Variants in CENPA observed in about 807,000 individuals in gnomAD.
CENPA encodes centromere protein A.
A neutral mutation model predicts 17.2 loss-of-function variants in CENPA; 7 were observed. The ratio of observed to expected loss-of-function variants is 0.41; its 90% CI spans 0.23 to 0.76. CENPA has a LOEUF of 0.76. Among genes scored for constraint, CENPA ranks in the 30% least tolerant of loss-of-function variants. The pLI, the probability that CENPA is intolerant of heterozygous loss-of-function variation, is 0.34. For missense variants in CENPA, 149 were observed against 193.1 expected (o/e 0.77, Z 1.35); for synonymous variants, 82 against 77.4 (o/e 1.06, Z -0.31).
chr2:26,787,371 A>G (rs1321807704), intron 1 of CENPA, among the ~76,000 whole-genome samples: 1 of 150,986 alleles, frequency 6.6e-6, no homozygotes, highest in African/African-American at 2.4e-5. Context: ...GCCTACCACC[A>G]CGCCCGGCTA....
Position 26,792,195 on chromosome 2 carries a change from G to C in CENPA, c.165G>C (p.Gln55His). 6.2e-7 allele frequency: 1 copy of C among 1,614,008 alleles called. No individual in the cohort carries two copies. Among genetic ancestry groups the C allele is most frequent in the African/African-American group, 1.3e-5 (1 of 75,042 alleles). ...GGCTAAAGGAGATCCGAAAGCTTCA[G>C]AAGAGCACACACCTCTTGATAAGGA... Reference protein sequence around the residue: ...QGWLKEIRKLQKSTHLLIRKL... With the variant: ...QGWLKEIRKLHKSTHLLIRKL... Residue 55 changes from glutamine (Q) to histidine (H), a missense_variant, in exon 2 of 5, where the codon CAG becomes CAC. Gln to His is a conservative substitution (Grantham distance 24). Transcript: ENST00000335756.
chr2:26,791,927 C>T (rs987552696), intron 1 of CENPA, among the ~76,000 whole-genome samples: 1 of 152,202 alleles, frequency 6.6e-6, no homozygotes, highest in Non-Finnish European at 1.5e-5. Flanking sequence ...AGCAAAATTA[C>T]TATATATCAG....
intron 3 of CENPA, 58 bp from the exon 4 acceptor site, chr2:26,793,087 A>G: frequency 5.0e-6 from 8 of 1,601,602 alleles, no homozygotes; most frequent in South Asian, 1.1e-5. Context: ...CAGGTTTCCA[A>G]AAAAAAGCAG....
rs766099920 is a variant in CENPA, at chr2:26,792,723, C to T, written c.211-33C>T. On this transcript the variant is annotated intron_variant, in intron 2 of 4. Transcript: ENST00000335756. Reference sequence around the variant, plus strand: ...TGAATCTCTCTTCTGTTACTCCCTACTCCTACTCCTCCCCTTCCCCACTCC... The same window carrying T: ...TGAATCTCTCTTCTGTTACTCCCTATTCCTACTCCTCCCCTTCCCCACTCC... The T allele has an allele frequency of 7.1e-6, 11 of 1,555,904 alleles. No homozygotes were observed. The South Asian group carries it at 1.1e-4, about 16-fold the overall frequency.
At chr2:26,792,497 C>G (rs1483407261) in intron 2 of CENPA, 1 of 712,384 alleles carries the variant, frequency 1.4e-6, no homozygotes, top group South Asian at 1.5e-5. Flanking sequence ...GTTTGTCCAC[C>G]TTAGATCCCT....
In CENPA at chr2:26,792,062, G is replaced by T. The variant is rs887731908; in HGVS notation, c.101-69G>T. ...ATAGATATAGTCTAGCAATTTGACA[G>T]CTTACCTGACTCAGCCAAGCTGCGA... On this transcript the variant is annotated intron_variant, in intron 1 of 4. Coordinates refer to ENST00000335756, the MANE Select transcript of CENPA (RefSeq NM_001809.4). 3.8e-6 allele frequency: 5 copies of T among 1,315,302 alleles called. No homozygotes were observed. In the African/African-American group the frequency reaches 7.2e-5, roughly 19 times the overall value. 81.5% of individuals were successfully genotyped at this position (1,315,302 alleles called of 1,614,324 possible).
At chr2:26,793,119 C>A (rs1306907477) in intron 3 of CENPA, 26 bp from the exon 4 acceptor site, 5 of 1,613,140 alleles carry the variant, frequency 3.1e-6, no homozygotes, top group Non-Finnish European at 4.2e-6. Context: ...TCATCTGTGT[C>A]CGTCTTTTTC....
At position 26,792,141 on chromosome 2, in the gene CENPA, C is replaced by G. The variant is rs2148067913; in HGVS notation, c.111C>G (p.Ser37=). ...CTTTCTTTTGCTCAGGCGCTTCCTC[C>G]CATCAACACAGTCGGCGGAGACAAG... ...SRRGPSLGAS[S]HQHSRRRQGW... Residue 37 remains serine (S), a synonymous_variant, in exon 2 of 5, where the codon TCC becomes TCG. Coordinates refer to ENST00000335756, the MANE Select transcript of CENPA (RefSeq NM_001809.4). The G allele has an allele frequency of 6.2e-7, 1 of 1,613,852 alleles. No homozygotes were observed. The highest frequency in any genetic ancestry group is 8.5e-7 in the Non-Finnish European group (1 of 1,179,924).
intron 1 of CENPA, among the ~76,000 whole-genome samples, chr2:26,790,905 T>C (rs1400717363): frequency 6.6e-6 from 1 of 152,264 alleles, no homozygotes; most frequent in Non-Finnish European, 1.5e-5. Flanking sequence ...GTTTATTGTA[T>C]TAAATGCCTT....
At chr2:26,790,945 T>G (rs543490165) in intron 1 of CENPA, among the ~76,000 whole-genome samples, 1 of 152,216 alleles carries the variant, frequency 6.6e-6, no homozygotes, top group South Asian at 2.1e-4. Flanking sequence ...GTCTCTTTGC[T>G]TGGCTGGATC....
chr2:26,786,613 A>T (rs541050680), intron 1 of CENPA, among the ~76,000 whole-genome samples: 1 of 152,338 alleles, frequency 6.6e-6, no homozygotes, highest in South Asian at 2.1e-4. Flanking sequence ...TCAGCTTCAT[A>T]TTGTGCCCAT....
At chr2:26,792,544 T>C (rs989547336) in intron 2 of CENPA, 13 of 715,376 alleles carry the variant, frequency 1.8e-5, no homozygotes, top group Non-Finnish European at 3.1e-5. Context: ...ATCACCCAAT[T>C]ACTGGTGATT....
intron 1 of CENPA, 137 bp from the exon 2 acceptor site, chr2:26,791,994 T>A: frequency 1.3e-6 from 1 of 748,854 alleles, no homozygotes; most frequent in Non-Finnish European, 2.3e-6. Context: ...TGCAGCAACC[T>A]AATAAAACAG....
chr2:26,790,480 C>T (rs1664595040), intron 1 of CENPA, among the ~76,000 whole-genome samples: 1 of 152,176 alleles, frequency 6.6e-6, no homozygotes, highest in Non-Finnish European at 1.5e-5. Flanking sequence ...GTGCCTGCCA[C>T]CATGCCCGGC....
intron 1 of CENPA, among the ~76,000 whole-genome samples, chr2:26,788,372 A>G (rs901712486): frequency 6.6e-6 from 1 of 152,156 alleles, no homozygotes; most frequent in Non-Finnish European, 1.5e-5. Flanking sequence ...AACAAAAAAA[A>G]AACAGCCATC....
chr2:26,789,573 G>T (rs192769149), intron 1 of CENPA, among the ~76,000 whole-genome samples: 7 of 151,956 alleles, frequency 4.6e-5, no homozygotes, highest in Non-Finnish European at 8.8e-5. Flanking sequence ...CTACCTGAAG[G>T]CTCTTGGTTA....
intron 1 of CENPA, among the ~76,000 whole-genome samples, chr2:26,790,853 T>C (rs1220057505): frequency 6.6e-6 from 1 of 152,268 alleles, no homozygotes; most frequent in Non-Finnish European, 1.5e-5. Context: ...TTGTCTCACC[T>C]ACCCTACTTG....
At chr2:26,787,421 T>C (rs1443896479) in intron 1 of CENPA, among the ~76,000 whole-genome samples, 1 of 151,026 alleles carries the variant, frequency 6.6e-6, no homozygotes, top group African/African-American at 2.4e-5. Flanking sequence ...TTCACCGTGT[T>C]AGCCAGGATG....
intron 1 of CENPA, among the ~76,000 whole-genome samples, chr2:26,790,625 C>G (rs2148067164): frequency 6.6e-6 from 1 of 152,302 alleles, no homozygotes; most frequent in East Asian, 1.9e-4. Flanking sequence ...CGCACCCAGC[C>G]CTATGTCTGT....
Sources: allele counts gnomAD v4.1 joint callset (sites outside exome capture counted in the v4.1 genomes callset), GRCh38; gene constraint gnomAD v4.1.1; transcripts MANE v1.5; gene names NCBI Gene and HGNC (gene_info 2026-07-23, HGNC 2026-07-21).